The following GPC5 variants were observed in gnomAD, a reference collection of about 807,000 sequenced individuals.
The protein encoded by GPC5 is glypican 5.
GPC5 carries 47 observed loss-of-function variants against 53.9 expected under a neutral mutation model. That is an observed-to-expected ratio of 0.87 (90% CI 0.69 to 1.11). GPC5 has a LOEUF of 1.11. Among genes scored for constraint, GPC5 ranks in the 50% most tolerant of loss-of-function variants. The pLI, the probability that GPC5 is intolerant of heterozygous loss-of-function variation, is 0.00. For synonymous variants in GPC5, 286 were observed against 263.3 expected, an observed-to-expected ratio of 1.09 and a Z score of -0.84; for missense variants, 748 against 713.1, an observed-to-expected ratio of 1.05 and a Z score of -0.56.
chr13:91,454,799 C>G (rs1881422376), intron 2 of GPC5, among the ~76,000 whole-genome samples: 1 of 151,996 alleles, frequency 6.6e-6, no homozygotes, highest in Admixed American at 6.6e-5. Flanking sequence ...TCTAGATTCA[C>G]CTGCTTTTTA....
chr13:92,444,109 G>T (rs937265523), intron 7 of GPC5, among the ~76,000 whole-genome samples: 1 of 152,160 alleles, frequency 6.6e-6, no homozygotes, highest in African/African-American at 2.4e-5. Flanking sequence ...GAAAGGAAAT[G>T]AGCCCAAAGA....
chr13:92,146,664 C>G (rs982424202), intron 7 of GPC5, among the ~76,000 whole-genome samples: 2 of 152,032 alleles, frequency 1.3e-5, no homozygotes, highest in Admixed American at 6.6e-5. Context: ...TCACCCTCCT[C>G]CCACTGTTTC....
At chr13:92,387,878 A>T (rs1279983950) in intron 7 of GPC5, among the ~76,000 whole-genome samples, 1 of 152,116 alleles carries the variant, frequency 6.6e-6, no homozygotes, top group Non-Finnish European at 1.5e-5. Context: ...AAGGCATGTG[A>T]AATAGTTCCT....
At chr13:92,790,468 G>A (rs1177559903) in intron 7 of GPC5, among the ~76,000 whole-genome samples, 1 of 152,028 alleles carries the variant, frequency 6.6e-6, no homozygotes, top group East Asian at 1.9e-4. Context: ...AGAGAATGAT[G>A]GGATAATATG....
intron 7 of GPC5, among the ~76,000 whole-genome samples, chr13:92,700,847 T>G (rs1887712411): frequency 6.6e-6 from 1 of 152,112 alleles, no homozygotes; most frequent in East Asian, 1.9e-4. Flanking sequence ...AAAGGGAAAA[T>G]AGTTTAGCTG....
At chr13:92,272,214 T>C (rs756324657) in intron 7 of GPC5, among the ~76,000 whole-genome samples, 3 of 152,174 alleles carry the variant, frequency 2.0e-5, no homozygotes, top group Non-Finnish European at 4.4e-5. Context: ...TCCCACATTT[T>C]TTTAGCCAAT....
At chr13:92,053,383 C>A (rs2041046556) in intron 6 of GPC5, among the ~76,000 whole-genome samples, 1 of 152,154 alleles carries the variant, frequency 6.6e-6, no homozygotes, top group African/African-American at 2.4e-5. Flanking sequence ...TTCTAGTCAG[C>A]AGAGGGTCTG....
chr13:92,803,281 ACT>A (rs748645421), intron 7 of GPC5, among the ~76,000 whole-genome samples: 1 of 151,896 alleles, frequency 6.6e-6, no homozygotes, highest in Non-Finnish European at 1.5e-5. Flanking sequence ...GCTGATTTGA[ACT>A]CTGTATCAAT....
In GPC5 at chr13:91,693,712, A is replaced by C. The variant is rs750905929; in HGVS notation, c.851A>C (p.His284Pro). 6.2e-6 allele frequency: 10 copies of C among 1,614,076 alleles called. No individual in the cohort carries two copies. In the Admixed American group the frequency reaches 1.0e-4, roughly 16 times the overall value. Reference protein sequence around the residue: ...CLNVMRGCLAHMAELNPHWHA... With the variant: ...CLNVMRGCLAPMAELNPHWHA... ...AATGTCATGCGAGGCTGCCTGGCGCACATGGCGGAGCTTAATCCACACTGG... is the reference window on the plus strand; with the variant it reads ...AATGTCATGCGAGGCTGCCTGGCGCCCATGGCGGAGCTTAATCCACACTGG... The change falls in exon 3 of 8, where the codon CAC becomes CCC. Residue 284 changes from histidine to proline, a missense_variant. Transcript: ENST00000377067.
intron 6 of GPC5, among the ~76,000 whole-genome samples, chr13:92,045,317 T>C (rs944415310): frequency 6.6e-6 from 1 of 152,160 alleles, no homozygotes; most frequent in Non-Finnish European, 1.5e-5. Context: ...AAGCAATATA[T>C]GAACCTGTAA....
At chr13:92,465,419 G>T (rs1878652083) in intron 7 of GPC5, among the ~76,000 whole-genome samples, 1 of 151,988 alleles carries the variant, frequency 6.6e-6, no homozygotes, top group African/African-American at 2.4e-5. Flanking sequence ...ATTAGTTTTT[G>T]AGCTAGATGT....
intron 7 of GPC5, among the ~76,000 whole-genome samples, chr13:92,268,207 C>T (rs1049288478): frequency 5.9e-5 from 9 of 151,704 alleles, no homozygotes; most frequent in African/African-American, 1.9e-4. Flanking sequence ...TTTAATTACT[C>T]GATTTCACTC....
intron 5 of GPC5, among the ~76,000 whole-genome samples, chr13:91,829,901 A>T (rs1297591715): frequency 1.3e-5 from 2 of 152,082 alleles, no homozygotes; most frequent in African/African-American, 4.8e-5. Flanking sequence ...TCACAAGGCA[A>T]ATGGAGGCAG....
At chr13:92,610,613 A>G (rs1884401588) in intron 7 of GPC5, among the ~76,000 whole-genome samples, 2 of 152,216 alleles carry the variant, frequency 1.3e-5, no homozygotes, top group Non-Finnish European at 2.9e-5. Flanking sequence ...GTCTGTTTTC[A>G]TACTGCTATA....
intron 3 of GPC5, among the ~76,000 whole-genome samples, chr13:91,708,058 A>G (rs1017636158): frequency 2.0e-5 from 3 of 152,182 alleles, no homozygotes; most frequent in South Asian, 4.1e-4. Context: ...TTTAAAGTAT[A>G]TAGCTGAGCA....
chr13:92,089,503 G>T (rs200714022), intron 6 of GPC5, among the ~76,000 whole-genome samples: 1 of 61,960 alleles, frequency 1.6e-5, no homozygotes, highest in Admixed American at 2.3e-4. Flanking sequence ...TTTCCCACAC[G>T]GTTTTTTTAC....
At chr13:91,982,913 C>G (rs2040372516) in intron 6 of GPC5, among the ~76,000 whole-genome samples, 1 of 152,124 alleles carries the variant, frequency 6.6e-6, no homozygotes, top group South Asian at 2.1e-4. Flanking sequence ...ACACATACTA[C>G]TAGCACAATA....
chr13:91,643,565 G>A (rs1468833022), intron 2 of GPC5, among the ~76,000 whole-genome samples: 1 of 152,188 alleles, frequency 6.6e-6, no homozygotes, highest in Non-Finnish European at 1.5e-5. Flanking sequence ...TAATTTGCTA[G>A]AGCTGCTGTG....
Position 91,693,710 on chromosome 13 carries a change from G to A in GPC5, c.849G>A (p.Ala283=), listed in dbSNP as rs147274494. The A allele has an allele frequency of 1.7e-4, 280 of 1,614,030 alleles. No homozygotes were observed. The highest frequency in any genetic ancestry group is 3.2e-4 in the African/African-American group (24 of 74,918). The change falls in exon 3 of 8, where the codon GCG becomes GCA. Residue 283 remains alanine (A), a synonymous_variant. Transcript: ENST00000377067. Reference sequence around the variant, plus strand: ...TCAATGTCATGCGAGGCTGCCTGGCGCACATGGCGGAGCTTAATCCACACT... The same window carrying A: ...TCAATGTCATGCGAGGCTGCCTGGCACACATGGCGGAGCTTAATCCACACT... ...YCLNVMRGCL[A]HMAELNPHWH...
Sources: gnomAD v4.1 joint callset for allele counts (sites outside exome capture counted in the v4.1 genomes callset) on GRCh38, gnomAD v4.1.1 for gene constraint, MANE v1.5 for transcripts, NCBI Gene and HGNC (gene_info 2026-07-23, HGNC 2026-07-21) for gene names.